Variants in PKHD1 observed in about 807,000 individuals in gnomAD.
The protein encoded by PKHD1 is fibrocystin.
In PKHD1, 291 loss-of-function variants were observed where a neutral mutation model predicts 412.0. The observed-to-expected ratio is 0.71, with a 90% confidence interval of 0.64 to 0.78. PKHD1 has a LOEUF of 0.78. Ranked by LOEUF, PKHD1 falls within the 30% of genes least tolerant of loss-of-function variation. The pLI, the probability that PKHD1 is intolerant of heterozygous loss-of-function variation, is 0.00. For synonymous variants in PKHD1, 1,777 were observed against 1,821.5 expected (o/e 0.98, Z 0.62); for missense variants, 4,825 against 4,950.7 (o/e 0.97, Z 0.76).
chr6:51,834,157 T>C (rs993397402), intron 51 of PKHD1, among the ~76,000 whole-genome samples: 1 of 152,112 alleles, frequency 6.6e-6, no homozygotes, highest in African/African-American at 2.4e-5. Context: ...TCCACAAATT[T>C]GTTTTGTTTT....
At chr6:51,969,686 G>A (rs113897415) in intron 35 of PKHD1, among the ~76,000 whole-genome samples, 1 of 151,938 alleles carries the variant, frequency 6.6e-6, no homozygotes, top group Non-Finnish European at 1.5e-5. Flanking sequence ...TAAGATAATG[G>A]TTCCATACAG....
Position 51,675,275 on chromosome 6 carries a change from G to A in PKHD1, c.10157-15306C>T, listed in dbSNP as rs1453973360. ...CAGTTCAGCATCACTTCTATAGAGC[G>A]TTCCATTTTTCCTTCCTCTGGATTT... On this transcript the variant is annotated intron_variant, in intron 60 of 66. Coordinates refer to ENST00000371117, the MANE Select transcript of PKHD1 (RefSeq NM_138694.4). 5.9e-5 allele frequency among the ~76,000 whole-genome samples: 9 copies of A among 152,296 alleles called. No individual in the cohort carries two copies. In the Middle Eastern group the frequency reaches 0.02, roughly 345 times the overall value.
At chr6:51,944,453 T>C (rs1174528057) in intron 36 of PKHD1, among the ~76,000 whole-genome samples, 1 of 151,376 alleles carries the variant, frequency 6.6e-6, no homozygotes, top group East Asian at 1.9e-4. Flanking sequence ...TCTTTTGAGA[T>C]TTTTTTTTAG....
rs370120619 is a variant in PKHD1 at position 51,659,370 on chromosome 6, T to C, written c.10756A>G (p.Asn3586Asp). The change falls in exon 61 of 67, where the codon AAC becomes GAC. Residue 3586 changes from asparagine to aspartate, a missense_variant. Coordinates refer to ENST00000371117, the MANE Select transcript of PKHD1 (RefSeq NM_138694.4). ...WEIVILERLT[N>D]FLQIGQNQIR... ...TGGTTTTGGCCAATCTGTAAGAAGT[T>C]AGTTAGTCTTTCGAGTATTACTATT... is the stretch of plus-strand genomic sequence containing the variant. 20 of 1,613,676 alleles carry C rather than the reference T, an allele frequency of 1.2e-5. No homozygotes were observed. Among genetic ancestry groups the C allele is most frequent in the Non-Finnish European group, 1.6e-5 (19 of 1,179,882 alleles).
rs547984797 is a variant in PKHD1 at position 51,660,043 on chromosome 6, C to T, written c.10157-74G>A. The T allele has an allele frequency of 3.4e-4, 311 of 916,700 alleles. No homozygotes were observed. In the African/African-American group the frequency reaches 4.7e-3, roughly 14 times the overall value. The allele number at this position is 916,700 out of a possible 1,614,324, so 56.8% of individuals were successfully genotyped here. A position where few individuals can be genotyped will look rare whatever the true frequency, so the allele number is the denominator to read the frequency against. Reference sequence around the variant, plus strand: ...CAATGATTATTTGTAATCCATCACTCTTGCCATCATCTATAACTGGATAAA... The same window carrying T: ...CAATGATTATTTGTAATCCATCACTTTTGCCATCATCTATAACTGGATAAA... On this transcript the variant is annotated intron_variant, in intron 60 of 66. Coordinates refer to ENST00000371117, the MANE Select transcript of PKHD1 (RefSeq NM_138694.4).
intron 15 of PKHD1, among the ~76,000 whole-genome samples, chr6:52,058,933 C>T (rs1297582767): frequency 2.0e-5 from 3 of 152,126 alleles, no homozygotes; most frequent in Non-Finnish European, 2.9e-5. Context: ...TCAGAGACCT[C>T]GAATGACTTG....
intron 28 of PKHD1, among the ~76,000 whole-genome samples, chr6:52,035,054 T>C (rs1342517534): frequency 1.3e-5 from 2 of 152,118 alleles, no homozygotes; most frequent in African/African-American, 4.8e-5. Flanking sequence ...TAATAGGCCA[T>C]GATATAGCAC....
At chr6:52,058,071 A>G (rs1412107482) in intron 16 of PKHD1, among the ~76,000 whole-genome samples, 2 of 152,232 alleles carry the variant, frequency 1.3e-5, no homozygotes, top group Non-Finnish European at 2.9e-5. Flanking sequence ...TTTTCTGGGA[A>G]ATAAGTTTCT....
intron 43 of PKHD1, among the ~76,000 whole-genome samples, chr6:51,893,656 G>A (rs937455735): frequency 2.6e-5 from 4 of 152,202 alleles, no homozygotes; most frequent in African/African-American, 9.7e-5. Flanking sequence ...ATTTGCGGAA[G>A]TCAATGTATT....
chr6:52,046,436 A>T (rs1581931334), intron 23 of PKHD1, among the ~76,000 whole-genome samples: 2 of 152,342 alleles, frequency 1.3e-5, no homozygotes, highest in East Asian at 3.9e-4. Flanking sequence ...CACAGCAATC[A>T]GAGAGCACAG....
At chr6:52,077,735 T>A (rs538569197) in intron 5 of PKHD1, among the ~76,000 whole-genome samples, 1 of 152,276 alleles carries the variant, frequency 6.6e-6, no homozygotes, top group Admixed American at 6.5e-5. Context: ...TAGAAAATAG[T>A]TCACAGAAAA....
intron 64 of PKHD1, among the ~76,000 whole-genome samples, chr6:51,633,366 A>C (rs995343959): frequency 6.6e-6 from 1 of 152,172 alleles, no homozygotes; most frequent in African/African-American, 2.4e-5. Context: ...AATGAGTCAT[A>C]AAATAATCTA....
Position 51,855,997 on chromosome 6 carries a change from C to T in PKHD1, c.7807G>A (p.Val2603Ile). The T allele has an allele frequency of 1.2e-6, 2 of 1,608,872 alleles. No homozygotes were observed. Among genetic ancestry groups the T allele is most frequent in the Non-Finnish European group, 1.7e-6 (2 of 1,175,280 alleles). ...CGAGGGTTAGACAATGTATCACGTA[C>T]ATAATTGACAGTGGTTGTTTTATTT... ...SRNKTTTVNY[V>I]RDTLSNPRGW... is the part of the protein sequence containing the mutation. The change falls in exon 49 of 67, where the codon GTA (valine) becomes ATA (isoleucine). Residue 2603 changes from valine to isoleucine, a missense_variant. By Grantham distance (29) the Val-to-Ile change is conservative. Transcript: ENST00000371117.
chr6:51,854,652 C>T lies in PKHD1; in HGVS notation c.7911+1241G>A, dbSNP rs111711619. ...GTTATTGGAGATCCTGCGGGGAAGC[C>T]CTGCCTGCCCACTGAGGAAGGATGG... is the stretch of plus-strand genomic sequence containing the variant. On this transcript the variant is annotated intron_variant, in intron 49 of 66. Coordinates refer to ENST00000371117, the MANE Select transcript of PKHD1 (RefSeq NM_138694.4). Among the ~76,000 whole-genome samples the T allele has an allele frequency of 6.8e-3, 1,031 of 152,262 alleles. 16 individuals are homozygous for T. Among genetic ancestry groups the T allele is most frequent in the African/African-American group, 0.024 (986 of 41,550 alleles).
chr6:51,989,897 G>GAAGGA (rs1296315116), intron 35 of PKHD1, among the ~76,000 whole-genome samples: 2 of 9,440 alleles, frequency 2.1e-4, no homozygotes, highest in African/African-American at 3.4e-4. Flanking sequence ...AGGAAGGAAG[G>GAAGGA]AGGGAGGAAG....
intron 60 of PKHD1, among the ~76,000 whole-genome samples, chr6:51,672,467 T>G (rs1258032468): frequency 1.3e-5 from 2 of 152,180 alleles, no homozygotes; most frequent in African/African-American, 2.4e-5. Flanking sequence ...TAGCTGAGAT[T>G]TGTTTTGGAG....
intron 60 of PKHD1, among the ~76,000 whole-genome samples, chr6:51,664,176 C>G (rs910448370): frequency 6.6e-6 from 1 of 152,036 alleles, no homozygotes; most frequent in Non-Finnish European, 1.5e-5. Context: ...ACATATTCCA[C>G]CCAGAAGCCA....
chr6:51,776,119 T>C (rs555757870), intron 53 of PKHD1, among the ~76,000 whole-genome samples, 198 bp from the exon 54 acceptor site: 1 of 152,090 alleles, frequency 6.6e-6, no homozygotes, highest in Non-Finnish European at 1.5e-5. Flanking sequence ...TCATGTATTA[T>C]TCACCAGGTA....
At chr6:51,674,875 G>C (rs1775589408) in intron 60 of PKHD1, among the ~76,000 whole-genome samples, 2 of 152,228 alleles carry the variant, frequency 1.3e-5, no homozygotes, top group South Asian at 2.1e-4. Flanking sequence ...TAAAGATATA[G>C]CCACATATTT....
Sources: allele counts gnomAD v4.1 joint callset (sites outside exome capture counted in the v4.1 genomes callset), GRCh38; gene constraint gnomAD v4.1.1; transcripts MANE v1.5; gene names NCBI Gene and HGNC (gene_info 2026-07-23, HGNC 2026-07-21).